ACOXL: variants seen among roughly 807,000 people sequenced by gnomAD.
ACOXL encodes the protein acyl-coenzyme A oxidase-like protein.
A neutral mutation model predicts 71.9 loss-of-function variants in ACOXL; 70 were observed. That is an observed-to-expected ratio of 0.97 (90% CI 0.80 to 1.19). The LOEUF (loss-of-function observed/expected upper bound fraction) is 1.19, where lower values mean the gene tolerates loss of function less well. Among genes scored for constraint, ACOXL ranks in the 50% most tolerant of loss-of-function variants. The pLI, the probability that ACOXL is intolerant of heterozygous loss-of-function variation, is 0.00. For synonymous variants in ACOXL, 253 were observed against 281.6 expected, an observed-to-expected ratio of 0.90 and a Z score of 1.02; for missense variants, 703 against 736.3, an observed-to-expected ratio of 0.95 and a Z score of 0.52.
chr2:110,854,234 A>C (rs1184855567), intron 10 of ACOXL, among the ~76,000 whole-genome samples: 1 of 152,090 alleles, frequency 6.6e-6, no homozygotes, highest in Non-Finnish European at 1.5e-5. Flanking sequence ...GGAAGAAGAG[A>C]TTTGCAGGCA....
chr2:110,925,275 C>T (rs2060228091), intron 11 of ACOXL, among the ~76,000 whole-genome samples: 1 of 152,230 alleles, frequency 6.6e-6, no homozygotes, highest in African/African-American at 2.4e-5. Flanking sequence ...TAGCCCCTAA[C>T]AAGAGATTCT....
rs575590519 is a variant in ACOXL, at chr2:110,745,422, G to C, written c.-23+12648G>C. 9.2e-5 allele frequency among the ~76,000 whole-genome samples: 14 copies of C among 152,328 alleles called. No individual in the cohort carries two copies. In the South Asian group the frequency reaches 1.2e-3, roughly 14 times the overall value. On this transcript the variant is annotated intron_variant, in intron 1 of 17. Transcript: ENST00000439055. ...TCAGTGTCTGCCCACACCAGAAGGT[G>C]GGGGGTCAACAACCAGCATCATGTA... is the stretch of plus-strand genomic sequence containing the variant.
intron 13 of ACOXL, among the ~76,000 whole-genome samples, chr2:110,991,606 G>A (rs377361057): frequency 3.0e-4 from 45 of 152,212 alleles, no homozygotes; most frequent in African/African-American, 1.0e-3. Context: ...TAAACACATG[G>A]AAAACACAGT....
chr2:110,959,132 C>A (rs1478881332), intron 12 of ACOXL, among the ~76,000 whole-genome samples: 2 of 152,210 alleles, frequency 1.3e-5, no homozygotes, highest in Non-Finnish European at 2.9e-5. Flanking sequence ...TGAATGGCCC[C>A]TTGGCCTGAC....
At chr2:110,830,770 T>C (rs1253090131) in intron 9 of ACOXL, among the ~76,000 whole-genome samples, 3 of 152,164 alleles carry the variant, frequency 2.0e-5, no homozygotes, top group African/African-American at 7.2e-5. Flanking sequence ...CCTGACCTTG[T>C]GATCCCCCCA....
chr2:111,051,836 C>T (rs929798455), intron 16 of ACOXL, among the ~76,000 whole-genome samples: 2 of 152,180 alleles, frequency 1.3e-5, no homozygotes, highest in Admixed American at 6.5e-5. Context: ...TTGCATTCTA[C>T]ATTGTCAAGG....
chr2:110,883,393 A>G (rs1158325412), intron 10 of ACOXL, among the ~76,000 whole-genome samples: 2 of 151,980 alleles, frequency 1.3e-5, no homozygotes, highest in East Asian at 3.9e-4. Context: ...TACAGGCATG[A>G]GCCACTACGC....
intron 14 of ACOXL, among the ~76,000 whole-genome samples, chr2:111,001,106 A>G (rs1328943299): frequency 1.3e-5 from 2 of 152,226 alleles, no homozygotes; most frequent in Non-Finnish European, 2.9e-5. Flanking sequence ...TGAGTTTACA[A>G]GTATGTCTTT....
intron 9 of ACOXL, among the ~76,000 whole-genome samples, chr2:110,827,141 C>T (rs1689258086): frequency 6.6e-6 from 1 of 152,198 alleles, no homozygotes. Flanking sequence ...TCCCTGAGCT[C>T]CTGCTGTGGG....
At chr2:110,939,714 A>G (rs1380467307) in intron 12 of ACOXL, among the ~76,000 whole-genome samples, 1 of 152,246 alleles carries the variant, frequency 6.6e-6, no homozygotes, top group Non-Finnish European at 1.5e-5. Context: ...GGCCTCATGC[A>G]GCCCTGGATG....
rs76333021 is a variant in ACOXL, at chr2:111,076,537, T to C, written c.1441-16328T>C. Among the ~76,000 whole-genome samples, 561 of 152,312 alleles carry C rather than the reference T, an allele frequency of 3.7e-3. 10 individuals are homozygous for C. In the East Asian group the frequency reaches 0.047, roughly 13 times the overall value. On this transcript the variant is annotated intron_variant, in intron 16 of 17. Coordinates refer to ENST00000439055, the MANE Select transcript of ACOXL (RefSeq NM_001142807.4). ...TTTTTTTAAAACATTTATTTTAAAA[T>C]TTGTCTCTTGATTGGTATGTTTAAA...
At chr2:111,087,861 A>G (rs888001455) in intron 16 of ACOXL, among the ~76,000 whole-genome samples, 8 of 152,226 alleles carry the variant, frequency 5.3e-5, no homozygotes, top group East Asian at 1.9e-4. Flanking sequence ...TGAACAACCA[A>G]CTTACAGAAT....
chr2:111,061,045 A>T (rs1161086981), intron 16 of ACOXL, among the ~76,000 whole-genome samples: 2 of 152,202 alleles, frequency 1.3e-5, no homozygotes, highest in African/African-American at 4.8e-5. Context: ...ACAAAAACTA[A>T]ATTTATATCA....
At chr2:110,758,535 C>T (rs1238417616) in intron 1 of ACOXL, among the ~76,000 whole-genome samples, 2 of 152,028 alleles carry the variant, frequency 1.3e-5, no homozygotes, top group Non-Finnish European at 2.9e-5. Flanking sequence ...AGTGATATCC[C>T]CTTTATCATT....
At chr2:111,074,640 G>A (rs1274180126) in intron 16 of ACOXL, among the ~76,000 whole-genome samples, 3 of 151,642 alleles carry the variant, frequency 2.0e-5, no homozygotes, top group South Asian at 4.2e-4. Context: ...CATCTCCCGT[G>A]CTGGAGTGCA....
chr2:110,763,475 C>T (rs761586057), intron 1 of ACOXL, among the ~76,000 whole-genome samples: 2 of 152,120 alleles, frequency 1.3e-5, no homozygotes, highest in Non-Finnish European at 2.9e-5. Context: ...GACAACTGGA[C>T]GTCAACATAC....
At chr2:110,926,728 C>G (rs921879763) in intron 11 of ACOXL, among the ~76,000 whole-genome samples, 2 of 152,128 alleles carry the variant, frequency 1.3e-5, no homozygotes, top group Non-Finnish European at 2.9e-5. Flanking sequence ...CCACCAATTA[C>G]CACATTGTGA....
chr2:110,984,595 C>G (rs561128679), intron 12 of ACOXL, among the ~76,000 whole-genome samples: 3 of 152,306 alleles, frequency 2.0e-5, no homozygotes, highest in Non-Finnish European at 4.4e-5. Context: ...GTGATGTTAG[C>G]CAGAACCAAA....
At chr2:110,917,684 C>T (rs576586012) in intron 11 of ACOXL, among the ~76,000 whole-genome samples, 17 of 152,214 alleles carry the variant, frequency 1.1e-4, no homozygotes, top group Non-Finnish European at 2.1e-4. Context: ...TCTCCTTAAG[C>T]GTATAAGCAA....
Sources: allele counts gnomAD v4.1 joint callset (sites outside exome capture counted in the v4.1 genomes callset), GRCh38; gene constraint gnomAD v4.1.1; transcripts MANE v1.5; gene names NCBI Gene and HGNC (gene_info 2026-07-23, HGNC 2026-07-21).